The following INTS6 variants were observed in gnomAD, a reference collection of about 807,000 sequenced individuals.
INTS6 encodes integrator complex subunit 6, also known as DEAD box protein.
In INTS6, 16 loss-of-function variants were observed where a neutral mutation model predicts 104.9. The observed-to-expected ratio is 0.15, with a 90% CI of 0.10 to 0.23. The LOEUF (loss-of-function observed/expected upper bound fraction) is 0.23, where lower values mean the gene tolerates loss of function less well. INTS6 is among the 10% of genes least tolerant of loss of function. INTS6 has a pLI of 1.00. For synonymous variants in INTS6, 324 were observed against 358.7 expected (o/e 0.90, Z 1.09); for missense variants, 584 against 1,062.8 (o/e 0.55, Z 6.26).
At chr13:51,438,635 T>C (rs1952738244) in intron 3 of INTS6, 1 of 152,394 alleles carries the variant, frequency 6.6e-6, no homozygotes, top group East Asian at 1.9e-4. Context: ...CCTTCTATTC[T>C]TTCTACTACC....
intron 10 of INTS6, 125 bp from the exon 11 acceptor site, chr13:51,379,697 A>C: frequency 2.1e-6 from 1 of 485,952 alleles, no homozygotes; most frequent in East Asian, 3.3e-5. Context: ...TAAGGAAGTA[A>C]CACAATCGTA....
At position 51,374,638 on chromosome 13, in the gene INTS6, A is replaced by C. The variant is rs970300598; in HGVS notation, c.1872+16T>G. The C allele has an allele frequency of 1.2e-6, 2 of 1,612,334 alleles. No individual in the cohort carries two copies. The highest frequency in any genetic ancestry group is 1.7e-6 in the Non-Finnish European group (2 of 1,179,620). On this transcript the variant is annotated intron_variant, in intron 14 of 17. Transcript: ENST00000311234. ...CTACCATAAACAAATTACATAATAG[A>C]ACATTTCAAAATTACCTTCTTATCC...
downstream of INTS6, among the ~76,000 whole-genome samples, chr13:51,357,055 A>G (rs528083053): frequency 6.6e-6 from 1 of 152,298 alleles, no homozygotes; most frequent in East Asian, 1.9e-4. Context: ...ATTCATTCAT[A>G]AATCATCTAT....
Position 51,411,517 on chromosome 13 carries a change from C to T in INTS6, c.430-16034G>A, listed in dbSNP as rs535032216. Among the ~76,000 whole-genome samples the T allele has an allele frequency of 1.1e-4, 17 of 150,734 alleles. No individual in the cohort carries two copies. In the South Asian group the frequency reaches 3.5e-3, roughly 31 times the overall value. The stretch of plus-strand genomic sequence containing the variant: ...GCAGTGAGCTGAGATCGTGCCGTTG[C>T]ACTCCAGTCTGGGTGGCAGAGTGAG... On this transcript the variant is annotated intron_variant, in intron 4 of 17. Coordinates refer to ENST00000311234, the MANE Select transcript of INTS6 (RefSeq NM_012141.3).
chr13:51,425,587 T>G (rs978600459), intron 4 of INTS6, among the ~76,000 whole-genome samples: 3 of 152,108 alleles, frequency 2.0e-5, no homozygotes, highest in Non-Finnish European at 4.4e-5. Flanking sequence ...TCCTGGAATG[T>G]CATTCATCAC....
intron 4 of INTS6, among the ~76,000 whole-genome samples, chr13:51,428,616 G>A (rs1193976037): frequency 1.3e-5 from 2 of 151,866 alleles, no homozygotes; most frequent in African/African-American, 4.8e-5. Flanking sequence ...GAACCACCAC[G>A]CCCGGCTAAA....
rs201845824 is a variant in INTS6, at chr13:51,443,613, A to G, written c.339+7412T>C. On this transcript the variant is annotated intron_variant, in intron 3 of 17. Coordinates refer to ENST00000311234, the MANE Select transcript of INTS6 (RefSeq NM_012141.3). ...ATGGCAAGAGCCTGCAGTCCCAGCT[A>G]CTCCGAAGGCGTGGTGGAAAGACTG... The G allele has an allele frequency of 3.3e-5, 5 of 152,276 alleles. No individual in the cohort carries two copies. In the East Asian group the frequency reaches 9.6e-4, roughly 29 times the overall value. The allele number at this position is 152,276 out of a possible 1,614,324, so 9.4% of individuals were successfully genotyped here. A position where few individuals can be genotyped will look rare whatever the true frequency, so the allele number is the denominator to read the frequency against.
rs201966920 is a variant in INTS6 at position 51,367,788 on chromosome 13, T to G, written c.2570+17A>C. 1 of 1,340,016 alleles carries G rather than the reference T, an allele frequency of 7.5e-7. No homozygotes were observed. Among genetic ancestry groups the G allele is most frequent in the Non-Finnish European group, 1.1e-6 (1 of 944,548 alleles). The allele number at this position is 1,340,016 out of a possible 1,614,324, so 83.0% of individuals were successfully genotyped here. ...CTCATTTCATCACCATTTCATTATA[T>G]GCAATAGTTTATTTACCTTGATGCT... On this transcript the variant is annotated intron_variant, in intron 17 of 17. Coordinates refer to ENST00000311234, the MANE Select transcript of INTS6 (RefSeq NM_012141.3).
At chr13:51,433,658 T>G (rs1957137202) in intron 3 of INTS6, among the ~76,000 whole-genome samples, 1 of 152,228 alleles carries the variant, frequency 6.6e-6, no homozygotes, top group African/African-American at 2.4e-5. Context: ...AAAATTAAGT[T>G]AAAATATATT....
chr13:51,414,695 A>G (rs957458538), intron 4 of INTS6, among the ~76,000 whole-genome samples: 3 of 152,138 alleles, frequency 2.0e-5, no homozygotes, highest in African/African-American at 4.8e-5. Context: ...CTTAAATCCT[A>G]TTTCTCAAAT....
chr13:51,347,573 C>T, the INTS6 span, among the ~76,000 whole-genome samples: 5 of 152,178 alleles, frequency 3.3e-5, no homozygotes, highest in Non-Finnish European at 5.9e-5. Context: ...CCTTTAAGAT[C>T]GGGTACAGTA....
chr13:51,335,310 C>T, the INTS6 span, among the ~76,000 whole-genome samples: 3 of 152,088 alleles, frequency 2.0e-5, no homozygotes, highest in African/African-American at 7.2e-5. Flanking sequence ...AAGAAAACAA[C>T]AACCACAATA....
intron 3 of INTS6, among the ~76,000 whole-genome samples, chr13:51,435,992 G>T (rs930293261): frequency 2.6e-5 from 4 of 152,016 alleles, no homozygotes; most frequent in Non-Finnish European, 5.9e-5. Context: ...ATTTGTTTTA[G>T]ATTTCAGTAA....
intron 3 of INTS6, chr13:51,446,695 ACAT>A (rs1415963606): frequency 1.3e-5 from 2 of 152,386 alleles, no homozygotes; most frequent in Non-Finnish European, 2.9e-5. Context: ...AAAATGTGGT[ACAT>A]ACAATAGAGT....
rs1357953727 is a variant in INTS6, at chr13:51,436,522, G to C, written c.340-6139C>G. The C allele has an allele frequency of 2.6e-5, 4 of 152,182 alleles. No individual in the cohort carries two copies. In the East Asian group the frequency reaches 7.7e-4, roughly 29 times the overall value. The allele number at this position is 152,182 out of a possible 1,614,324, so 9.4% of individuals were successfully genotyped here. A position where few individuals can be genotyped will look rare whatever the true frequency, so the allele number is the denominator to read the frequency against. ...ATACTATGACTTAAGCAAAAGTAGGGGGGAGTTCCATATATCTGTTTTAAT... is the reference window on the plus strand; with the variant it reads ...ATACTATGACTTAAGCAAAAGTAGGCGGGAGTTCCATATATCTGTTTTAAT... On this transcript the variant is annotated intron_variant, in intron 3 of 17. Transcript: ENST00000311234.
chr13:51,346,952 C>A, the INTS6 span: 1 of 1,131,654 alleles, frequency 8.8e-7, no homozygotes, highest in Non-Finnish European at 1.3e-6. Context: ...CACTCCTTGT[C>A]CGCACACACA....
At chr13:51,371,265 C>CTA (rs1390771838) in intron 15 of INTS6, among the ~76,000 whole-genome samples, 1 of 152,172 alleles carries the variant, frequency 6.6e-6, no homozygotes, top group Non-Finnish European at 1.5e-5. Flanking sequence ...CAGCTTCTCT[C>CTA]TAAAGAACTT....
chr13:51,382,487 C>T (rs1280442767), intron 9 of INTS6, among the ~76,000 whole-genome samples: 1 of 152,172 alleles, frequency 6.6e-6, no homozygotes, highest in Non-Finnish European at 1.5e-5. Flanking sequence ...AATGTGATTT[C>T]ATGGAAGGTA....
intron 7 of INTS6, among the ~76,000 whole-genome samples, chr13:51,386,597 T>C (rs1956144406): frequency 6.6e-6 from 1 of 152,142 alleles, no homozygotes; most frequent in Admixed American, 6.5e-5. Flanking sequence ...GAAAAGCTGA[T>C]ACAGGTTTGA....
Sources: gnomAD v4.1 joint callset for allele counts (sites outside exome capture counted in the v4.1 genomes callset) on GRCh38, gnomAD v4.1.1 for gene constraint, MANE v1.5 for transcripts, NCBI Gene and HGNC (gene_info 2026-07-23, HGNC 2026-07-21) for gene names.